Variants in THADA observed in about 807,000 individuals in gnomAD.
The protein encoded by THADA is THADA armadillo repeat containing, also known as tRNA (32-2'-O)-methyltransferase regulator THADA.
A neutral mutation model predicts 219.8 loss-of-function variants in THADA; 213 were observed. That is an observed-to-expected ratio of 0.97 (90% CI 0.87 to 1.09). THADA has a LOEUF of 1.09. THADA is among the 50% of genes least tolerant of loss of function. The probability of loss-of-function intolerance (pLI) is 0.00; values close to 1 mark genes in which losing one functional copy is unlikely to be tolerated. For missense variants in THADA, 2,956 were observed against 2,311.3 expected (o/e 1.28, Z -5.72); for synonymous variants, 1,018 against 828.9 (o/e 1.23, Z -3.92).
At chr2:43,393,064 G>A (rs1004038125) in intron 29 of THADA, among the ~76,000 whole-genome samples, 22 of 152,158 alleles carry the variant, frequency 1.4e-4, no homozygotes, top group African/African-American at 4.8e-4. Flanking sequence ...CTATAGCCTA[G>A]GTCCCAAGGG....
chr2:43,313,140 C>A (rs1338896851), intron 31 of THADA, among the ~76,000 whole-genome samples: 1 of 152,174 alleles, frequency 6.6e-6, no homozygotes, highest in African/African-American at 2.4e-5. Context: ...AGTACAAATA[C>A]AGGGCATTGT....
chr2:43,320,043 T>C (rs1489220057), intron 31 of THADA, among the ~76,000 whole-genome samples: 1 of 152,116 alleles, frequency 6.6e-6, no homozygotes, highest in Admixed American at 6.5e-5. Flanking sequence ...AGGGGTCGAT[T>C]TGAGAAGAGA....
intron 26 of THADA, among the ~76,000 whole-genome samples, chr2:43,440,415 T>C (rs972737973): frequency 6.6e-6 from 1 of 152,218 alleles, no homozygotes; most frequent in Non-Finnish European, 1.5e-5. Context: ...GTTAATAAAT[T>C]ACAAACTTGG....
chr2:43,258,868 C>T (rs1029625376), intron 36 of THADA, among the ~76,000 whole-genome samples: 2 of 152,062 alleles, frequency 1.3e-5, no homozygotes, highest in Admixed American at 1.3e-4. Context: ...TGTTTTGGCC[C>T]CCTCCCCCTG....
chr2:43,595,236 T>C (rs571516337), intron 1 of THADA, among the ~76,000 whole-genome samples: 10 of 152,334 alleles, frequency 6.6e-5, no homozygotes, highest in Non-Finnish European at 8.8e-5. Flanking sequence ...TAAGAACCTA[T>C]GGTCTGTTTG....
At position 43,320,504 on chromosome 2, in the gene THADA, A is replaced by G; in HGVS notation, c.4380T>C (p.Ile1460=). ...AGCAAGTCAATAGGAAGAGAATATCAATATATACAGCTCTGGTCACCAAAC... is the reference window on the plus strand; with the variant it reads ...AGCAAGTCAATAGGAAGAGAATATCGATATATACAGCTCTGGTCACCAAAC... ...NPCLVTRAVY[I]DILFLLTCCL... is the part of the protein sequence containing the mutation. Residue 1460 remains isoleucine, a synonymous_variant, in exon 31 of 38, where the codon ATT becomes ATC. Coordinates refer to ENST00000405975, the MANE Select transcript of THADA (RefSeq NM_022065.5). The G allele has an allele frequency of 6.2e-7, 1 of 1,613,674 alleles. No homozygotes were observed. Among genetic ancestry groups the G allele is most frequent in the Non-Finnish European group, 8.5e-7 (1 of 1,179,720 alleles).
At chr2:43,474,173 T>C (rs919847943) in intron 26 of THADA, among the ~76,000 whole-genome samples, 4 of 152,188 alleles carry the variant, frequency 2.6e-5, no homozygotes, top group South Asian at 4.1e-4. Context: ...CTTAGTGTCA[T>C]ATGGATAGAG....
intron 31 of THADA, among the ~76,000 whole-genome samples, chr2:43,309,494 C>G (rs1003299925): frequency 1.3e-5 from 2 of 152,150 alleles, no homozygotes; most frequent in African/African-American, 4.8e-5. Context: ...GAATACTACT[C>G]AGCAATAAAA....
intron 29 of THADA, among the ~76,000 whole-genome samples, chr2:43,374,905 T>C (rs918440177): frequency 1.3e-5 from 2 of 152,032 alleles, no homozygotes; most frequent in Non-Finnish European, 1.5e-5. Flanking sequence ...AACTGGTGTA[T>C]GAATAAACAA....
At chr2:43,281,319 ATATTTTCCTCT>A (rs1306187539) in intron 35 of THADA, among the ~76,000 whole-genome samples, 1 of 151,726 alleles carries the variant, frequency 6.6e-6, no homozygotes, top group Non-Finnish European at 1.5e-5. Flanking sequence ...TCCTTTCTTA[ATATTTTCCTCT>A]TTAATATGGT....
rs780635683 is a variant in THADA, at chr2:43,566,820, T to C, written c.2189A>G (p.Asn730Ser). 2 of 1,415,878 alleles carry C rather than the reference T, an allele frequency of 1.4e-6. No individual in the cohort carries two copies. Among genetic ancestry groups the C allele is most frequent in the African/African-American group, 1.7e-5 (1 of 60,408 alleles). The allele number at this position is 1,415,878 out of a possible 1,614,324, so 87.7% of individuals were successfully genotyped here. A position where few individuals can be genotyped will look rare whatever the true frequency, so the allele number is the denominator to read the frequency against. The change falls in exon 15 of 38, where the codon AAT (asparagine) becomes AGT (serine). Residue 730 changes from asparagine (N) to serine (S), a missense_variant and splice_region_variant. Asn to Ser is a conservative substitution (Grantham distance 46). Coordinates refer to ENST00000405975, the MANE Select transcript of THADA (RefSeq NM_022065.5). ...ACTGTTACAAATGGATGACATGAAA[T>C]TCTTAAAAAAAAAAAAAAAATTACA... is the stretch of plus-strand genomic sequence containing the variant. ...HPSVSLQQYK[N>S]FMSSICNSLF...
In THADA at chr2:43,580,286, G is replaced by A. The variant is rs569153114; in HGVS notation, c.721+1455C>T. Among the ~76,000 whole-genome samples the A allele has an allele frequency of 2.0e-4, 31 of 151,824 alleles. No homozygotes were observed. In the East Asian group the frequency reaches 5.3e-3, roughly 26 times the overall value. On this transcript the variant is annotated intron_variant, in intron 8 of 37. Transcript: ENST00000405975. Reference sequence around the variant, plus strand: ...AATCTCCTGACCTCGTGATCTGCCCGCCTTGGCCTCCCAAAGTGCTGGGAT... The same window carrying A: ...AATCTCCTGACCTCGTGATCTGCCCACCTTGGCCTCCCAAAGTGCTGGGAT...
At chr2:43,311,912 G>C (rs986950377) in intron 31 of THADA, among the ~76,000 whole-genome samples, 1 of 152,152 alleles carries the variant, frequency 6.6e-6, no homozygotes, top group Admixed American at 6.5e-5. Context: ...TGAAACCACA[G>C]ATGTGGCCGG....
Position 43,522,479 on chromosome 2 carries a change from G to A in THADA, c.3374+5400C>T, listed in dbSNP as rs536988118. On this transcript the variant is annotated intron_variant, in intron 22 of 37. Coordinates refer to ENST00000405975, the MANE Select transcript of THADA (RefSeq NM_022065.5). ...GGATTAAAAGAAGTCATTGGAAGATGTACCAGATAGCTGGTTCTCTCAATT... is the reference window on the plus strand; with the variant it reads ...GGATTAAAAGAAGTCATTGGAAGATATACCAGATAGCTGGTTCTCTCAATT... Among the ~76,000 whole-genome samples the A allele has an allele frequency of 5.3e-5, 8 of 152,292 alleles. No homozygotes were observed. The South Asian group carries it at 1.0e-3, about 20-fold the overall frequency.
In THADA at chr2:43,586,885, A is replaced by T. The variant is rs185258611; in HGVS notation, c.420T>A (p.Asn140Lys). The change falls in exon 5 of 38, where the codon AAT becomes AAA. Residue 140 changes from asparagine (N) to lysine (K), a missense_variant. Transcript: ENST00000405975. ...TAAAGTTCTCCATACAGGAAGAAAT[A>T]TTGTCAGTAACTTTCCTGTAAGAGT... is the stretch of plus-strand genomic sequence containing the variant. The part of the protein sequence containing the change: ...DLYSYRKVTD[N>K]ISSCMENFNL... 2 of 1,613,904 alleles carry T rather than the reference A, an allele frequency of 1.2e-6. No homozygotes were observed. Among genetic ancestry groups the T allele is most frequent in the Non-Finnish European group, 1.7e-6 (2 of 1,179,846 alleles).
intron 22 of THADA, among the ~76,000 whole-genome samples, chr2:43,514,365 C>A (rs956222367): frequency 5.4e-5 from 8 of 149,408 alleles, no homozygotes; most frequent in Middle Eastern, 3.2e-3. Context: ...GTGGGAGGAT[C>A]GCTTGAGCCC....
intron 29 of THADA, among the ~76,000 whole-genome samples, chr2:43,377,397 T>C (rs967395650): frequency 1.1e-4 from 16 of 151,938 alleles, no homozygotes; most frequent in South Asian, 2.1e-4. Context: ...ATTTTTTTTT[T>C]AAGGAAAAAA....
At chr2:43,580,889 A>G (rs1287040094) in intron 8 of THADA, among the ~76,000 whole-genome samples, 9 of 151,988 alleles carry the variant, frequency 5.9e-5, no homozygotes. Flanking sequence ...CAGACAAAAA[A>G]AAAAACCAAA....
At chr2:43,304,757 C>T (rs1282660416) in intron 31 of THADA, among the ~76,000 whole-genome samples, 2 of 151,880 alleles carry the variant, frequency 1.3e-5, no homozygotes, top group African/African-American at 2.4e-5. Flanking sequence ...CCGCAACCTC[C>T]GCCTTTCGGG....
Sources: allele counts gnomAD v4.1 joint callset (sites outside exome capture counted in the v4.1 genomes callset), GRCh38; gene constraint gnomAD v4.1.1; transcripts MANE v1.5; gene names NCBI Gene and HGNC (gene_info 2026-07-23, HGNC 2026-07-21).